The following LIMA1 variants were observed in gnomAD, a reference collection of about 807,000 sequenced individuals.
LIMA1 encodes LIM domain and actin binding 1.
LIMA1 carries 52 observed loss-of-function variants against 62.6 expected under a neutral mutation model. The ratio of observed to expected loss-of-function variants is 0.83; its 90% CI spans 0.67 to 1.05. The LOEUF (loss-of-function observed/expected upper bound fraction) is 1.05. LIMA1 is among the 50% of genes least tolerant of loss of function. The pLI, the probability that LIMA1 is intolerant of heterozygous loss-of-function variation, is 0.00. For missense variants in LIMA1, 780 were observed against 902.2 expected, an observed-to-expected ratio of 0.86 and a Z score of 1.74; for synonymous variants, 302 against 317.8, an observed-to-expected ratio of 0.95 and a Z score of 0.53.
Position 50,177,554 on chromosome 12 carries a change from A to C in LIMA1, c.1790T>G (p.Phe597Cys), listed in dbSNP as rs750928636. ...TGGGCTCTTGACAGAGGTGCTTTGA[A>C]ATGAAGCTGCTACAGTGAATGGGCG... is the stretch of plus-strand genomic sequence containing the variant. ...RSRPFTVAAS[F>C]QSTSVKSPKT... Residue 597 changes from phenylalanine to cysteine, a missense_variant, in exon 11 of 11, where the codon TTT becomes TGT. Phe to Cys is a radical substitution (Grantham distance 205). Coordinates refer to ENST00000341247, the MANE Select transcript of LIMA1 (RefSeq NM_016357.5). 1 of 1,611,456 alleles carries C rather than the reference A, an allele frequency of 6.2e-7. No homozygotes were observed. The highest frequency in any genetic ancestry group is 1.1e-5 in the South Asian group (1 of 90,472).
chr12:50,268,920 C>T (rs1339624101), intron 1 of LIMA1, among the ~76,000 whole-genome samples: 1 of 152,132 alleles, frequency 6.6e-6, no homozygotes, highest in Non-Finnish European at 1.5e-5. Context: ...TATTTAGGGG[C>T]TGTCTGGACC....
intron 2 of LIMA1, among the ~76,000 whole-genome samples, chr12:50,233,168 C>T (rs1486975320): frequency 6.6e-6 from 1 of 152,162 alleles, no homozygotes; most frequent in Non-Finnish European, 1.5e-5. Context: ...TTGGATAGAG[C>T]AGAAAGTCTA....
intron 2 of LIMA1, among the ~76,000 whole-genome samples, chr12:50,233,049 A>G (rs1206243948): frequency 6.6e-6 from 1 of 152,236 alleles, no homozygotes; most frequent in Non-Finnish European, 1.5e-5. Flanking sequence ...AATCAACTCT[A>G]TCAGAAGAAG....
intron 2 of LIMA1, among the ~76,000 whole-genome samples, chr12:50,240,285 G>A (rs1373727177): frequency 6.6e-6 from 1 of 152,134 alleles, no homozygotes; most frequent in Non-Finnish European, 1.5e-5. Flanking sequence ...GAAAGGGCAG[G>A]CAATGAGGCG....
chr12:50,281,780 GGTTTTT>G (rs1001616139), intron 1 of LIMA1, among the ~76,000 whole-genome samples: 40 of 152,040 alleles, frequency 2.6e-4, no homozygotes, highest in African/African-American at 7.5e-4. Flanking sequence ...ATTACTCAGA[GGTTTTT>G]GTTTTTAAGG....
intron 3 of LIMA1, among the ~76,000 whole-genome samples, chr12:50,229,014 G>T (rs1401686626): frequency 6.6e-6 from 1 of 152,236 alleles, no homozygotes; most frequent in East Asian, 1.9e-4. Context: ...AAGCCACTGT[G>T]GCAGAGCCAC....
intron 1 of LIMA1, among the ~76,000 whole-genome samples, chr12:50,257,210 C>T (rs1001472251): frequency 3.9e-5 from 6 of 152,120 alleles, no homozygotes; most frequent in African/African-American, 1.4e-4. Flanking sequence ...TCTTCTATAA[C>T]GAAGATTTGT....
Position 50,176,876 on chromosome 12 carries a change from T to C in LIMA1, c.*188A>G. The stretch of plus-strand genomic sequence containing the variant: ...AGAATTTAAGTAAAGTTATCTCTAG[T>C]ATTTAGAATGTGTTTTTTGTGTTTT... On this transcript the variant is annotated 3_prime_UTR_variant, in exon 11 of 11. Transcript: ENST00000341247. 1 of 535,958 alleles carries C rather than the reference T, an allele frequency of 1.9e-6. No homozygotes were observed. Among genetic ancestry groups the C allele is most frequent in the South Asian group, 3.6e-5 (1 of 27,916 alleles). The allele number at this position is 535,958 out of a possible 1,614,324, so 33.2% of individuals were successfully genotyped here.
intron 3 of LIMA1, chr12:50,229,876 G>C: frequency 6.6e-6 from 1 of 152,326 alleles, no homozygotes; most frequent in East Asian, 1.9e-4. Context: ...CGCACAAGCG[G>C]TTCCTTCTGC....
intron 1 of LIMA1, among the ~76,000 whole-genome samples, chr12:50,252,729 C>T (rs2138650531): frequency 6.6e-6 from 1 of 152,124 alleles, no homozygotes; most frequent in South Asian, 2.1e-4. Context: ...TTACTTAGCA[C>T]ATGCATGGTT....
chr12:50,205,769 T>C (rs1332235508), intron 5 of LIMA1, among the ~76,000 whole-genome samples: 1 of 148,646 alleles, frequency 6.7e-6, no homozygotes, highest in African/African-American at 2.5e-5. Context: ...ATCCCAGCAC[T>C]TTGGGAGCAC....
intron 1 of LIMA1, among the ~76,000 whole-genome samples, chr12:50,275,384 G>T (rs1280652822): frequency 1.3e-5 from 2 of 151,854 alleles, no homozygotes; most frequent in Non-Finnish European, 2.9e-5. Flanking sequence ...AAAATAAAAT[G>T]AGTTCTTAAT....
intron 9 of LIMA1, among the ~76,000 whole-genome samples, chr12:50,192,060 G>C (rs536225760): frequency 4.0e-5 from 6 of 150,454 alleles, no homozygotes; most frequent in Admixed American, 2.7e-4. Context: ...GCTTGAACAT[G>C]GGGGGGCGGA....
intron 2 of LIMA1, among the ~76,000 whole-genome samples, chr12:50,245,412 CAAAA>C (rs1298537875): frequency 6.0e-5 from 5 of 83,714 alleles, no homozygotes; most frequent in Admixed American, 1.4e-4. Flanking sequence ...GACCCTGTCT[CAAAA>C]AAAAAAAAAA....
chr12:50,281,054 A>G (rs561207964), intron 1 of LIMA1, among the ~76,000 whole-genome samples: 14 of 152,320 alleles, frequency 9.2e-5, no homozygotes, highest in African/African-American at 2.9e-4. Flanking sequence ...GCCTGAAACT[A>G]GTTTCACTGT....
intron 1 of LIMA1, among the ~76,000 whole-genome samples, chr12:50,273,197 C>T (rs1485769283): frequency 2.6e-5 from 4 of 151,906 alleles, no homozygotes; most frequent in Non-Finnish European, 5.9e-5. Flanking sequence ...TCAAGTGATC[C>T]GCCAGCCTTG....
At chr12:50,250,563 CAAAAAAAAAAAA>C (rs754126420) in intron 1 of LIMA1, among the ~76,000 whole-genome samples, 2 of 33,908 alleles carry the variant, frequency 5.9e-5, no homozygotes, top group Non-Finnish European at 1.5e-4. Context: ...AAGATGTTCT[CAAAAAAAAAAAA>C]AAAAAAAAAA....
chr12:50,241,933 A>ATTTTTTTTTTTTTTTTTTTTTTTTTT (rs577308413), intron 2 of LIMA1, among the ~76,000 whole-genome samples: 4 of 36,434 alleles, frequency 1.1e-4, no homozygotes, highest in Admixed American at 5.1e-4. Flanking sequence ...TCCTTCCCAG[A>ATTTTTTTTTTTTTTTTTTTTTTTTTT]TTTTTTTTTT....
chr12:50,224,409 G>C (rs951950271), intron 3 of LIMA1: 2 of 152,196 alleles, frequency 1.3e-5, no homozygotes, highest in Non-Finnish European at 2.9e-5. Context: ...AGAGATATAA[G>C]AAGCTTAAAA....
Sources: allele counts gnomAD v4.1 joint callset (sites outside exome capture counted in the v4.1 genomes callset), GRCh38; gene constraint gnomAD v4.1.1; transcripts MANE v1.5; gene names NCBI Gene and HGNC (gene_info 2026-07-23, HGNC 2026-07-21).